The following NFATC3 variants were observed in gnomAD, a reference collection of about 807,000 sequenced individuals.
NFATC3 encodes nuclear factor of activated T cells 3.
Under a neutral mutation model 98.6 loss-of-function variants are expected in NFATC3, and 46 were observed. The ratio of observed to expected loss-of-function variants is 0.47; its 90% CI spans 0.37 to 0.60. The LOEUF is 0.60. Among genes scored for constraint, NFATC3 ranks in the 20% least tolerant of loss-of-function variants. NFATC3 has a pLI of 0.00. For missense variants in NFATC3, 1,256 were observed against 1,295.5 expected (o/e 0.97, Z 0.47); for synonymous variants, 512 against 472.2 (o/e 1.08, Z -1.09).
chr16:68,094,375 T>A (rs1321582042), intron 1 of NFATC3, among the ~76,000 whole-genome samples: 1 of 151,964 alleles, frequency 6.6e-6, no homozygotes, highest in African/African-American at 2.4e-5. Context: ...TGCTCAATAG[T>A]CAGGGTAGTT....
Position 68,157,920 on chromosome 16 carries a change from G to A in NFATC3, c.1453G>A (p.Ala485Thr), listed in dbSNP as rs376542866. Residue 485 changes from alanine to threonine, a missense_variant, in exon 4 of 10, where the codon GCA (alanine) becomes ACA (threonine). Around this residue, in one of 3 missense-constraint regions of NFATC3, gnomAD observed 156 missense variants for 212.4 expected, o/e 0.73. Coordinates refer to ENST00000346183, the MANE Select transcript of NFATC3 (RefSeq NM_173165.3). ...AAATCTACAAATGTTTATTGGGACA[G>A]CAGATGATCGATATTTACGACCTCA... ...PINLQMFIGT[A>T]DDRYLRPHAF... The A allele has an allele frequency of 3.1e-6, 5 of 1,613,730 alleles. No homozygotes were observed. The African/African-American group carries it at 6.7e-5, about 22-fold the overall frequency.
At position 68,126,602 on chromosome 16, in the gene NFATC3, G is replaced by T. The variant is rs757513479; in HGVS notation, c.1393G>T (p.Val465Phe). ...AVKASTGGHP[V>F]VKLLGYNEKP... ...AAAAGCATCTACTGGGGGACATCCTGTTGTGAAGGTATGAGACTTTTGGGG... is the reference window on the plus strand; with the variant it reads ...AAAAGCATCTACTGGGGGACATCCTTTTGTGAAGGTATGAGACTTTTGGGG... The change falls in exon 3 of 10, where the codon GTT (valine) becomes TTT (phenylalanine). Residue 465 changes from valine to phenylalanine, a missense_variant. Val to Phe is a conservative substitution (Grantham distance 50). This residue lies in a region of NFATC3 where 156 missense variants were observed against 212.4 expected (regional missense o/e 0.73). Transcript: ENST00000346183. 1 of 1,614,108 alleles carries T rather than the reference G, an allele frequency of 6.2e-7. No individual in the cohort carries two copies. Among genetic ancestry groups the T allele is most frequent in the South Asian group, 1.1e-5 (1 of 91,074 alleles).
At position 68,179,004 on chromosome 16, in the gene NFATC3, C is replaced by G. The variant is rs145395807; in HGVS notation, c.1916-2471C>G. ...CCAGTCTTTCCAACCCTCTTTCTTA[C>G]TGCTCCTTGCCTCATACTTTATACA... On this transcript the variant is annotated intron_variant, in intron 6 of 9. Transcript: ENST00000346183. Among the ~76,000 whole-genome samples, 8 of 152,318 alleles carry G rather than the reference C, an allele frequency of 5.3e-5. No homozygotes were observed. In the East Asian group the frequency reaches 1.5e-3, roughly 29 times the overall value.
At chr16:68,205,425 T>A (rs1231751567) in intron 9 of NFATC3, among the ~76,000 whole-genome samples, 3 of 152,008 alleles carry the variant, frequency 2.0e-5, no homozygotes, top group African/African-American at 7.2e-5. Flanking sequence ...AATTTTTAAA[T>A]TTTTTTGTAG....
chr16:68,135,262 T>C (rs1432439791), intron 3 of NFATC3, among the ~76,000 whole-genome samples: 1 of 151,836 alleles, frequency 6.6e-6, no homozygotes, highest in Non-Finnish European at 1.5e-5. Context: ...ATTGAGACCA[T>C]CTTGGCTAAC....
chr16:68,130,276 G>T (rs2037050558), intron 3 of NFATC3, among the ~76,000 whole-genome samples: 1 of 152,032 alleles, frequency 6.6e-6, no homozygotes, highest in Non-Finnish European at 1.5e-5. Flanking sequence ...ATAACAGTGT[G>T]CCAGTGTTCC....
chr16:68,167,156 T>C, intron 5 of NFATC3, 141 bp downstream of exon 5: 1 of 808,630 alleles, frequency 1.2e-6, no homozygotes, highest in Non-Finnish European at 1.9e-6. Context: ...CATGTGGAAA[T>C]GAGCTAACAT....
At chr16:68,184,489 A>C (rs1365627854) in intron 8 of NFATC3, among the ~76,000 whole-genome samples, 1 of 152,146 alleles carries the variant, frequency 6.6e-6, no homozygotes, top group African/African-American at 2.4e-5. Context: ...ACAGTTGGAC[A>C]ATCATGGAGA....
At chr16:68,221,552 G>A (rs2041865225) in intron 9 of NFATC3, 4 of 1,178,612 alleles carry the variant, frequency 3.4e-6, no homozygotes, top group Admixed American at 8.1e-5. Context: ...CTCAATATAT[G>A]TAAGCACTAG....
At chr16:68,086,525 G>C (rs1030479902) in intron 1 of NFATC3, 17 of 349,154 alleles carry the variant, frequency 4.9e-5, no homozygotes, top group Middle Eastern at 2.7e-3. Context: ...CATCATGCTT[G>C]CAGGTCAGAC....
At chr16:68,130,074 T>G (rs2037040054) in intron 3 of NFATC3, among the ~76,000 whole-genome samples, 1 of 152,170 alleles carries the variant, frequency 6.6e-6, no homozygotes, top group African/African-American at 2.4e-5. Flanking sequence ...TTATTTTGGT[T>G]CCATATCTTG....
At chr16:68,104,539 A>G (rs938436665) in intron 1 of NFATC3, among the ~76,000 whole-genome samples, 1 of 152,044 alleles carries the variant, frequency 6.6e-6, no homozygotes, top group African/African-American at 2.4e-5. Flanking sequence ...TAGGACTCCC[A>G]GTACAATGTT....
chr16:68,115,688 G>A (rs1376400043), intron 1 of NFATC3, among the ~76,000 whole-genome samples: 1 of 151,988 alleles, frequency 6.6e-6, no homozygotes, highest in African/African-American at 2.4e-5. Context: ...GCCTCCCAAA[G>A]TGCTGGAATT....
intron 1 of NFATC3, chr16:68,088,913 C>G: frequency 3.2e-6 from 3 of 941,968 alleles, no homozygotes; most frequent in Non-Finnish European, 2.5e-6. Flanking sequence ...CTCTCCTGTT[C>G]TGGCTTCCCA....
intron 1 of NFATC3, chr16:68,086,033 G>C (rs1379233217): frequency 4.9e-6 from 2 of 404,112 alleles, no homozygotes; most frequent in Non-Finnish European, 8.8e-6. Flanking sequence ...GGACGATCGG[G>C]GTTTGGAGGC....
intron 4 of NFATC3, among the ~76,000 whole-genome samples, chr16:68,161,133 A>G (rs552163975): frequency 2.0e-5 from 3 of 152,328 alleles, no homozygotes; most frequent in East Asian, 3.9e-4. Context: ...AACATGCCCA[A>G]CCTCTGAATG....
At chr16:68,162,694 T>C (rs966504959) in intron 4 of NFATC3, among the ~76,000 whole-genome samples, 1 of 152,116 alleles carries the variant, frequency 6.6e-6, no homozygotes, top group Non-Finnish European at 1.5e-5. Flanking sequence ...AGGTTGACTT[T>C]ATAGACAGAG....
At position 68,120,689 on chromosome 16, in the gene NFATC3, C is replaced by T. The variant is rs185165468; in HGVS notation, c.104-1298C>T. On this transcript the variant is annotated intron_variant, in intron 1 of 9. Transcript: ENST00000346183. ...TGCTTGAATCCAGGAGGCAAGATTGCGCCACAGCACTCCAGCCTGGGCGAC... is the reference window on the plus strand; with the variant it reads ...TGCTTGAATCCAGGAGGCAAGATTGTGCCACAGCACTCCAGCCTGGGCGAC... Among the ~76,000 whole-genome samples, 49 of 151,930 alleles carry T rather than the reference C, an allele frequency of 3.2e-4. No homozygotes were observed. The South Asian group carries it at 4.2e-3, about 13-fold the overall frequency.
chr16:68,130,188 C>T (rs1360407370), intron 3 of NFATC3, among the ~76,000 whole-genome samples: 1 of 152,180 alleles, frequency 6.6e-6, no homozygotes, highest in Non-Finnish European at 1.5e-5. Context: ...ATTGCTGGAT[C>T]ATATGGTAGT....
Sources: allele counts gnomAD v4.1 joint callset (sites outside exome capture counted in the v4.1 genomes callset), GRCh38; gene constraint gnomAD v4.1.1; regional missense constraint gnomAD v4.1.1; transcripts MANE v1.5; gene names NCBI Gene and HGNC (gene_info 2026-07-23, HGNC 2026-07-21).